The following RTN1 variants were observed in gnomAD, a reference collection of about 807,000 sequenced individuals.
RTN1 encodes reticulon 1.
RTN1 carries 25 observed loss-of-function variants against 65.5 expected under a neutral mutation model. The observed-to-expected ratio is 0.38, with a 90% confidence interval of 0.28 to 0.53. The LOEUF (loss-of-function observed/expected upper bound fraction) is 0.53, where lower values mean the gene tolerates loss of function less well. RTN1 is among the 20% of genes least tolerant of loss of function. The pLI is 0.79. For missense variants in RTN1, 983 were observed against 1,025.4 expected (o/e 0.96, Z 0.57); for synonymous variants, 471 against 447.6 (o/e 1.05, Z -0.66).
At chr14:59,783,472 G>A (rs34448491) in intron 1 of RTN1, among the ~76,000 whole-genome samples, 26,880 of 152,160 alleles carry the variant, frequency 0.18, 2,799 homozygotes, top group East Asian at 0.31. Context: ...AAGTGGAAAC[G>A]TGGGAGACAG....
At chr14:59,607,641 A>G in intron 3 of RTN1, 149 bp from the exon 4 acceptor site, 1 of 668,676 alleles carries the variant, frequency 1.5e-6, no homozygotes, top group South Asian at 1.8e-5. Flanking sequence ...TGGCTGTGCC[A>G]AGGGCACTTA....
chr14:59,603,133 GA>G lies in RTN1; in HGVS notation c.2230-11del, dbSNP rs372518671. On this transcript the variant is annotated splice_polypyrimidine_tract_variant and intron_variant, in intron 7 of 8. Coordinates refer to ENST00000267484, the MANE Select transcript of RTN1 (RefSeq NM_021136.3). Reference sequence around the variant, plus strand: ...ATTGGTCAATCTGTGCCTACATAAAGAAAAAAAAAATAATGAGCATATCCAA... The same window carrying G: ...ATTGGTCAATCTGTGCCTACATAAAGAAAAAAAAATAATGAGCATATCCAA... 123,862 of 1,504,158 alleles carry G rather than the reference GA, an allele frequency of 0.082. 5,167 individuals are homozygous for G. Among genetic ancestry groups the G allele is most frequent in the Non-Finnish European group, 0.094 (104,050 of 1,107,620 alleles). The allele number at this position is 1,504,158 out of a possible 1,614,324, so 93.2% of individuals were successfully genotyped here.
At chr14:59,764,780 T>C (rs1885818068) in intron 1 of RTN1, among the ~76,000 whole-genome samples, 1 of 152,186 alleles carries the variant, frequency 6.6e-6, no homozygotes, top group Non-Finnish European at 1.5e-5. Flanking sequence ...TTTATATGAA[T>C]GGGATAATTA....
At chr14:59,821,616 CTT>C (rs1196636160) in intron 1 of RTN1, among the ~76,000 whole-genome samples, 1 of 152,156 alleles carries the variant, frequency 6.6e-6, no homozygotes, top group African/African-American at 2.4e-5. Flanking sequence ...ATGCTTCCAG[CTT>C]TTGCCTGTTC....
Position 59,670,801 on chromosome 14 carries a change from T to C in RTN1, c.1765+56118A>G, listed in dbSNP as rs536156614. On this transcript the variant is annotated intron_variant, in intron 3 of 8. Coordinates refer to ENST00000267484, the MANE Select transcript of RTN1 (RefSeq NM_021136.3). ...AATGACATCCAGGTGTCATGATGGC[T>C]AGTATATTTTTGCATGTGTATTTTG... Among the ~76,000 whole-genome samples the C allele has an allele frequency of 1.4e-4, 22 of 152,346 alleles. No homozygotes were observed. In the South Asian group the frequency reaches 4.3e-3, roughly 30 times the overall value.
intron 1 of RTN1, among the ~76,000 whole-genome samples, chr14:59,800,892 A>C (rs867673722): frequency 1.6e-4 from 25 of 152,228 alleles, no homozygotes; most frequent in African/African-American, 5.5e-4. Context: ...ATTTCACCAG[A>C]GGAGTAAAAA....
At chr14:59,654,784 T>C (rs926346717) in intron 3 of RTN1, among the ~76,000 whole-genome samples, 1 of 152,112 alleles carries the variant, frequency 6.6e-6, no homozygotes, top group African/African-American at 2.4e-5. Context: ...ACAACAGTAT[T>C]AAACACTAAG....
intron 1 of RTN1, among the ~76,000 whole-genome samples, chr14:59,754,572 T>C (rs946469708): frequency 6.6e-6 from 1 of 152,162 alleles, no homozygotes; most frequent in African/African-American, 2.4e-5. Context: ...ATCTTTAAGA[T>C]AAGGCAATAA....
rs1259657087 is a variant in RTN1, at chr14:59,727,132, C to T, written c.1552G>A (p.Glu518Lys). Residue 518 changes from glutamate (E) to lysine (K), a missense_variant, in exon 3 of 9, where the codon GAG (glutamate) becomes AAG (lysine). Physicochemically the swap from Glu to Lys is moderately conservative, Grantham distance 56. Around this residue, in one of 2 missense-constraint regions of RTN1, gnomAD observed 818 missense variants for 801.8 expected, o/e 1.02. Transcript: ENST00000267484. This position sits in a 1 kb window ranked among gnomAD's most constrained non-coding sequence, Gnocchi z 4.2. ...ERAPSRRGLAEPGSFLDYPST... is the reference protein window; with the variant it reads ...ERAPSRRGLAKPGSFLDYPST... ...GGGTAGTCGAGGAAGGAACCCGGCT[C>T]GGCCAGGCCCCGCCGGCTTGGCGCA... is the stretch of plus-strand genomic sequence containing the variant. 4 of 1,605,232 alleles carry T rather than the reference C, an allele frequency of 2.5e-6. No individual in the cohort carries two copies. Among genetic ancestry groups the T allele is most frequent in the East Asian group, 4.5e-5 (2 of 44,534 alleles).
intron 3 of RTN1, among the ~76,000 whole-genome samples, chr14:59,653,302 T>C (rs569726527): frequency 6.6e-6 from 1 of 152,310 alleles, no homozygotes; most frequent in African/African-American, 2.4e-5. Context: ...AAGAATTTTA[T>C]ATCCAGAAAA....
intron 3 of RTN1, among the ~76,000 whole-genome samples, chr14:59,641,890 T>C (rs1013960379): frequency 6.6e-6 from 1 of 152,192 alleles, no homozygotes; most frequent in African/African-American, 2.4e-5. Flanking sequence ...GTAAAAAAAT[T>C]AATAATCTTT....
intron 1 of RTN1, among the ~76,000 whole-genome samples, chr14:59,751,404 C>G (rs1006842998): frequency 1.3e-5 from 2 of 151,996 alleles, no homozygotes; most frequent in African/African-American, 4.8e-5. Context: ...TATATGGGCT[C>G]AGCTTATAGG....
rs1274382029 is a variant in RTN1, at chr14:59,836,429, C to G, written c.241+33961G>C. 6.6e-6 allele frequency among the ~76,000 whole-genome samples: 1 copy of G among 152,220 alleles called. No individual in the cohort carries two copies. The highest frequency in any genetic ancestry group is 2.4e-5 in the African/African-American group (1 of 41,462). On this transcript the variant is annotated intron_variant, in intron 1 of 8. Transcript: ENST00000267484. The surrounding 1 kb of genome is among the most constrained non-coding windows in gnomAD (Gnocchi z 4.9). ...CACAGAGAGATTAAGGAACTCCCCACATCACACAACTAATTTTTCCAGTTC... is the reference window on the plus strand; with the variant it reads ...CACAGAGAGATTAAGGAACTCCCCAGATCACACAACTAATTTTTCCAGTTC...
intron 1 of RTN1, among the ~76,000 whole-genome samples, chr14:59,762,576 G>A (rs772186159): frequency 2.6e-5 from 4 of 152,144 alleles, no homozygotes; most frequent in South Asian, 2.1e-4. Flanking sequence ...TGGAATTGTC[G>A]TGATGATTAA....
chr14:59,821,410 C>T (rs1419513266), intron 1 of RTN1, among the ~76,000 whole-genome samples: 1 of 152,132 alleles, frequency 6.6e-6, no homozygotes, highest in East Asian at 1.9e-4. Flanking sequence ...TTCTCCCAGC[C>T]TTTGGATACA....
chr14:59,780,482 A>G (rs28688170), intron 1 of RTN1, among the ~76,000 whole-genome samples: 4,500 of 152,298 alleles, frequency 0.03, 208 homozygotes, highest in African/African-American at 0.1. Flanking sequence ...GCATTACCTA[A>G]TGGTGCCAAC....
intron 3 of RTN1, among the ~76,000 whole-genome samples, chr14:59,710,045 CTTTTTTT>C (rs11353177): frequency 9.0e-5 from 10 of 110,774 alleles, no homozygotes; most frequent in African/African-American, 1.4e-4. Context: ...CTCTTTCTTT[CTTTTTTT>C]TTTTTTTTTT....
At chr14:59,845,255 G>A (rs1428222982) in intron 1 of RTN1, among the ~76,000 whole-genome samples, 2 of 152,116 alleles carry the variant, frequency 1.3e-5, no homozygotes, top group Non-Finnish European at 2.9e-5. Flanking sequence ...TAAGTTCAGT[G>A]AATATGATTT....
At chr14:59,749,009 G>T (rs528931195) in intron 1 of RTN1, among the ~76,000 whole-genome samples, 1 of 149,816 alleles carries the variant, frequency 6.7e-6, no homozygotes, top group African/African-American at 2.5e-5. Context: ...AGATGGTCTC[G>T]AACTCCTGAC....
Sources: allele counts gnomAD v4.1 joint callset (sites outside exome capture counted in the v4.1 genomes callset), GRCh38; gene constraint gnomAD v4.1.1; regional missense constraint gnomAD v4.1.1; non-coding constraint Gnocchi (gnomAD v3.1); transcripts MANE v1.5; gene names NCBI Gene and HGNC (gene_info 2026-07-23, HGNC 2026-07-21).